Variants in MEF2A observed in about 807,000 individuals in gnomAD.
MEF2A encodes the protein myocyte enhancer factor 2A, also known as myocyte-specific enhancer factor 2A.
A neutral mutation model predicts 55.8 loss-of-function variants in MEF2A; 28 were observed. That is an observed-to-expected ratio of 0.50 (90% confidence interval 0.37 to 0.69). The LOEUF (loss-of-function observed/expected upper bound fraction) is 0.69. Ranked by LOEUF, MEF2A falls within the 30% of genes least tolerant of loss-of-function variation. MEF2A has a pLI of 0.00. For synonymous variants in MEF2A, 239 were observed against 227.1 expected (o/e 1.05, Z -0.47); for missense variants, 528 against 626.2 (o/e 0.84, Z 1.67).
At chr15:99,636,154 T>G (rs1031115675) in intron 3 of MEF2A, among the ~76,000 whole-genome samples, 1 of 152,324 alleles carries the variant, frequency 6.6e-6, no homozygotes, top group East Asian at 1.9e-4. Flanking sequence ...GTGCTCACTT[T>G]TTCATATTTT....
intron 2 of MEF2A, among the ~76,000 whole-genome samples, chr15:99,622,894 C>T (rs1031047155): frequency 1.6e-4 from 24 of 151,736 alleles, no homozygotes; most frequent in African/African-American, 2.2e-4. Flanking sequence ...TTAGTAGAGA[C>T]GGGGTTTCAC....
chr15:99,584,666 G>A (rs1278936719), intron 1 of MEF2A, among the ~76,000 whole-genome samples: 1 of 152,164 alleles, frequency 6.6e-6, no homozygotes, highest in Non-Finnish European at 1.5e-5. Context: ...CCCACTGCCT[G>A]AGACTGAGCC....
chr15:99,625,038 A>G (rs2041842130), intron 2 of MEF2A, among the ~76,000 whole-genome samples: 1 of 152,200 alleles, frequency 6.6e-6, no homozygotes, highest in African/African-American at 2.4e-5. Context: ...GTTTTGCTGA[A>G]CTAGACTAAT....
chr15:99,664,121 C>T (rs2049154871), intron 4 of MEF2A, among the ~76,000 whole-genome samples: 1 of 152,120 alleles, frequency 6.6e-6, no homozygotes, highest in South Asian at 2.1e-4. Context: ...TTTCTGGATT[C>T]TATGTTGTAG....
At chr15:99,582,022 A>G (rs1966088342) in intron 1 of MEF2A, among the ~76,000 whole-genome samples, 1 of 152,062 alleles carries the variant, frequency 6.6e-6, no homozygotes, top group Non-Finnish European at 1.5e-5. Context: ...GCTCGAGACC[A>G]GTTTTTAATG....
intron 4 of MEF2A, among the ~76,000 whole-genome samples, chr15:99,646,759 T>G (rs575174326): frequency 6.6e-6 from 1 of 152,124 alleles, no homozygotes; most frequent in Non-Finnish European, 1.5e-5. Flanking sequence ...GAAAATGCAT[T>G]TTAAATTTCC....
chr15:99,665,731 C>CAAAAAAAAAAAAAAAAAAAAAAAAA (rs752473261), intron 4 of MEF2A, among the ~76,000 whole-genome samples: 8 of 20,242 alleles, frequency 4.0e-4, no homozygotes, highest in East Asian at 1.1e-3. Flanking sequence ...CTTAAATTTA[C>CAAAAAAAAAAAAAAAAAAAAAAAAA]AAAAAAAAAA....
chr15:99,618,766 T>C (rs1198249006), intron 2 of MEF2A, among the ~76,000 whole-genome samples: 1 of 152,178 alleles, frequency 6.6e-6, no homozygotes, highest in East Asian at 1.9e-4. Context: ...ATCTAGGTAA[T>C]AGGCAGGCAT....
chr15:99,620,541 G>T (rs944637848), intron 2 of MEF2A, among the ~76,000 whole-genome samples: 2 of 152,164 alleles, frequency 1.3e-5, no homozygotes, highest in African/African-American at 2.4e-5. Flanking sequence ...TGACTGTGTA[G>T]TGTTCCATGG....
intron 2 of MEF2A, among the ~76,000 whole-genome samples, chr15:99,612,840 T>A (rs894458212): frequency 1.3e-5 from 2 of 152,146 alleles, no homozygotes; most frequent in African/African-American, 4.8e-5. Context: ...TCTCCCTACT[T>A]TGGTGTGTTG....
chr15:99,637,524 G>GT, intron 3 of MEF2A, among the ~76,000 whole-genome samples: 1 of 152,042 alleles, frequency 6.6e-6, no homozygotes, highest in Non-Finnish European at 1.5e-5. Context: ...TAACTCTTAA[G>GT]TTTAACATTT....
At chr15:99,611,471 A>G (rs190193997) in intron 2 of MEF2A, among the ~76,000 whole-genome samples, 21 of 152,334 alleles carry the variant, frequency 1.4e-4, no homozygotes, top group Non-Finnish European at 1.5e-5. Flanking sequence ...AAACCACAGC[A>G]AGATACCACT....
At chr15:99,701,799 C>A (rs930072363) in intron 8 of MEF2A, among the ~76,000 whole-genome samples, 4 of 152,194 alleles carry the variant, frequency 2.6e-5, no homozygotes, top group Non-Finnish European at 1.5e-5. Flanking sequence ...CATAGCTCAC[C>A]TTTCAGGTAC....
intron 4 of MEF2A, among the ~76,000 whole-genome samples, chr15:99,659,805 T>C (rs1489256001): frequency 6.6e-6 from 1 of 152,220 alleles, no homozygotes; most frequent in Non-Finnish European, 1.5e-5. Flanking sequence ...TTTTTGAGCA[T>C]ACATAATCTC....
At position 99,713,210 on chromosome 15, in the gene MEF2A, C is replaced by T. The variant is rs1006313555; in HGVS notation, c.*439C>T. ...AGAGAAAATGCTTTGTAGAACAGAG[C>T]AGTAGAAAAGCAGGAACCAAGAAAG... On this transcript the variant is annotated 3_prime_UTR_variant, in exon 12 of 12. Transcript: ENST00000557942. 27 of 399,900 alleles carry T rather than the reference C, an allele frequency of 6.8e-5. No individual in the cohort carries two copies. Among genetic ancestry groups the T allele is most frequent in the South Asian group, 1.3e-4 (1 of 7,552 alleles). The allele number at this position is 399,900 out of a possible 1,614,324, so 24.8% of individuals were successfully genotyped here. A position where few individuals can be genotyped will look rare whatever the true frequency, so the allele number is the denominator to read the frequency against.
At chr15:99,687,683 T>C (rs183763299) in intron 7 of MEF2A, among the ~76,000 whole-genome samples, 1 of 152,364 alleles carries the variant, frequency 6.6e-6, no homozygotes, top group Non-Finnish European at 1.5e-5. Context: ...CTGATAGATT[T>C]GTTATCAGTG....
At chr15:99,606,729 A>G (rs1975276570) in intron 2 of MEF2A, among the ~76,000 whole-genome samples, 1 of 152,248 alleles carries the variant, frequency 6.6e-6, no homozygotes, top group Non-Finnish European at 1.5e-5. Context: ...GATTTATAGT[A>G]CAAGTTTTTG....
At chr15:99,602,126 G>GAGT (rs1222393557) in intron 2 of MEF2A, among the ~76,000 whole-genome samples, 2 of 152,118 alleles carry the variant, frequency 1.3e-5, no homozygotes, top group Admixed American at 1.3e-4. Flanking sequence ...TTTAGAGCAG[G>GAGT]AGTGAAAGTT....
At chr15:99,620,956 T>A (rs2041059970) in intron 2 of MEF2A, 2 of 151,824 alleles carry the variant, frequency 1.3e-5, no homozygotes, top group Admixed American at 1.3e-4. Flanking sequence ...GTGATTCTCG[T>A]ACCTCAGCCT....
Sources: gnomAD v4.1 joint callset for allele counts (sites outside exome capture counted in the v4.1 genomes callset) on GRCh38, gnomAD v4.1.1 for gene constraint, MANE v1.5 for transcripts, NCBI Gene and HGNC (gene_info 2026-07-23, HGNC 2026-07-21) for gene names.